The following PHLPP2 variants were observed in gnomAD, a reference collection of about 807,000 sequenced individuals.
The protein encoded by PHLPP2 is PH domain and leucine rich repeat protein phosphatase 2.
A neutral mutation model predicts 124.9 loss-of-function variants in PHLPP2; 66 were observed. The observed-to-expected ratio is 0.53, with a 90% CI of 0.43 to 0.65. The LOEUF (loss-of-function observed/expected upper bound fraction) is 0.65. Ranked by LOEUF, PHLPP2 falls within the 30% of genes least tolerant of loss-of-function variation. The pLI is 0.00. For missense variants in PHLPP2, 1,685 were observed against 1,600.4 expected, an observed-to-expected ratio of 1.05 and a Z score of -0.90; for synonymous variants, 681 against 624.7, an observed-to-expected ratio of 1.09 and a Z score of -1.34.
chr16:71,684,488 C>T lies in PHLPP2; in HGVS notation c.723G>A (p.Arg241=). 1 of 1,613,876 alleles carries T rather than the reference C, an allele frequency of 6.2e-7. No individual in the cohort carries two copies. Among genetic ancestry groups the T allele is most frequent in the Non-Finnish European group, 8.5e-7 (1 of 1,179,928 alleles). Residue 241 remains arginine (R), a synonymous_variant, in exon 5 of 19, where the codon CGG becomes CGA. Transcript: ENST00000568954. ...ETLAEYQRWQ[R]QASKVVSQRI... ...CATTACTTTTCACCTTGGATGCTTG[C>T]CGTTGCCATCGCTGGTACTCGGCCA... is the stretch of plus-strand genomic sequence containing the variant.
chr16:71,670,392 G>GA (rs1321582290), intron 10 of PHLPP2, among the ~76,000 whole-genome samples: 1 of 151,796 alleles, frequency 6.6e-6, no homozygotes, highest in Non-Finnish European at 1.5e-5. Flanking sequence ...AAAGTGGCAT[G>GA]AAAAAAAATC....
In PHLPP2 at chr16:71,722,838, G is replaced by A. The variant is rs796857217; in HGVS notation, c.-7+1491C>T. ...TTCTCTGCAACTCTTTCAAATGCTA[G>A]TAAAAAACTCCACCCAGTCAGCCTC... On this transcript the variant is annotated intron_variant, in intron 1 of 18. Transcript: ENST00000568954. Among the ~76,000 whole-genome samples, 7 of 152,228 alleles carry A rather than the reference G, an allele frequency of 4.6e-5. 1 individual carries two copies. Among genetic ancestry groups the A allele is most frequent in the African/African-American group, 1.7e-4 (7 of 41,534 alleles).
At chr16:71,720,768 G>A (rs1037722513) in intron 1 of PHLPP2, among the ~76,000 whole-genome samples, 2 of 151,838 alleles carry the variant, frequency 1.3e-5, no homozygotes, top group African/African-American at 2.4e-5. Context: ...AGAGGCTGAG[G>A]CAGGAGAATC....
intron 18 of PHLPP2, among the ~76,000 whole-genome samples, chr16:71,652,221 C>A (rs1170738076): frequency 6.6e-6 from 1 of 152,214 alleles, no homozygotes; most frequent in African/African-American, 2.4e-5. Context: ...CTCAAAAGAT[C>A]TGAACGGAAT....
intron 3 of PHLPP2, among the ~76,000 whole-genome samples, chr16:71,692,606 T>C (rs1331803499): frequency 6.6e-6 from 1 of 152,190 alleles, no homozygotes; most frequent in East Asian, 1.9e-4. Context: ...CTTTCATCTA[T>C]ACAGTCGTTC....
At chr16:71,706,279 T>C (rs1048151524) in intron 2 of PHLPP2, among the ~76,000 whole-genome samples, 1 of 147,322 alleles carries the variant, frequency 6.8e-6, no homozygotes, top group Non-Finnish European at 1.5e-5. Flanking sequence ...CCAACGGACA[T>C]AGCAATGCTG....
At chr16:71,697,803 C>T (rs543179283) in intron 3 of PHLPP2, among the ~76,000 whole-genome samples, 2 of 146,472 alleles carry the variant, frequency 1.4e-5, no homozygotes, top group African/African-American at 2.5e-5. Context: ...TTTGCTCTTT[C>T]TCTCTCTCTC....
intron 4 of PHLPP2, among the ~76,000 whole-genome samples, chr16:71,686,042 G>A (rs750188474): frequency 2.6e-5 from 4 of 152,180 alleles, no homozygotes; most frequent in Non-Finnish European, 2.9e-5. Context: ...GGAGGTGGAG[G>A]CTGCAGTGAG....
rs1386209090 is a variant in PHLPP2, at chr16:71,649,140, G to T, written c.3722C>A (p.Ser1241Tyr). ...STSCLYGKKL[S>Y]NGSIVPLEDS... ...CTCTAGGGGCACAATAGAGCCATTG[G>T]AGAGTTTCTTCCCATAGAGGCAGGA... The change falls in exon 19 of 19, where the codon TCC (serine) becomes TAC (tyrosine). Residue 1241 changes from serine to tyrosine, a missense_variant. Physicochemically the swap from Ser to Tyr is moderately radical, Grantham distance 144. Coordinates refer to ENST00000568954, the MANE Select transcript of PHLPP2 (RefSeq NM_015020.3). 21 of 1,614,034 alleles carry T rather than the reference G, an allele frequency of 1.3e-5. No individual in the cohort carries two copies. Among genetic ancestry groups the T allele is most frequent in the Non-Finnish European group, 1.7e-5 (20 of 1,180,002 alleles).
chr16:71,701,984 G>A (rs532157780), intron 3 of PHLPP2, among the ~76,000 whole-genome samples: 2 of 152,224 alleles, frequency 1.3e-5, no homozygotes, highest in African/African-American at 2.4e-5. Flanking sequence ...ATCTTGGAAC[G>A]CAATCCCAGT....
At chr16:71,662,029 G>A (rs2044796219) in intron 13 of PHLPP2, among the ~76,000 whole-genome samples, 1 of 151,592 alleles carries the variant, frequency 6.6e-6, no homozygotes, top group Non-Finnish European at 1.5e-5. Flanking sequence ...TCACCATGTT[G>A]GCCAGAATGG....
intron 2 of PHLPP2, among the ~76,000 whole-genome samples, chr16:71,704,180 G>A (rs1477383279): frequency 2.0e-5 from 3 of 151,770 alleles, no homozygotes; most frequent in African/African-American, 4.8e-5. Flanking sequence ...GCATGGTGGC[G>A]GGCACCTGCA....
rs527732988 is a variant in PHLPP2 at position 71,651,694 on chromosome 16, G to C, written c.2817+1096C>G. ...GGTTTTTGATTTTGTTTCCTTAGAT[G>C]AACTCTAATATAGAATTCTGACAAA... On this transcript the variant is annotated intron_variant, in intron 18 of 18. Coordinates refer to ENST00000568954, the MANE Select transcript of PHLPP2 (RefSeq NM_015020.3). Among the ~76,000 whole-genome samples, 10 of 152,154 alleles carry C rather than the reference G, an allele frequency of 6.6e-5. No homozygotes were observed. The East Asian group carries it at 1.7e-3, about 26-fold the overall frequency.
chr16:71,656,186 G>A (rs2044740755), intron 16 of PHLPP2, among the ~76,000 whole-genome samples: 1 of 152,108 alleles, frequency 6.6e-6, no homozygotes, highest in Non-Finnish European at 1.5e-5. Flanking sequence ...ACTTTGGTTT[G>A]GTCACTTTGG....
rs759522302 is a variant in PHLPP2 at position 71,652,892 on chromosome 16, C to T, written c.2715G>A (p.Leu905=). Residue 905 remains leucine, a synonymous_variant, in exon 18 of 19, where the codon CTG becomes CTA. Transcript: ENST00000568954. The part of the protein sequence containing the change: ...VANVGTCQAV[L]CRGGKPVPLS... The stretch of plus-strand genomic sequence containing the variant: ...GGGGCACTGGCTTCCCACCTCGGCA[C>T]AGGACTGCTTGGCACGTGCCAACAT... The T allele has an allele frequency of 1.9e-6, 3 of 1,614,026 alleles. No individual in the cohort carries two copies. The highest frequency in any genetic ancestry group is 2.5e-6 in the Non-Finnish European group (3 of 1,180,034).
intron 11 of PHLPP2, among the ~76,000 whole-genome samples, chr16:71,668,917 G>C (rs1049977356): frequency 1.3e-5 from 2 of 152,128 alleles, no homozygotes; most frequent in African/African-American, 4.8e-5. Context: ...GTTTTTAAAG[G>C]ATTAGGTAAG....
chr16:71,679,060 C>A, intron 7 of PHLPP2, 75 bp from the exon 8 acceptor site: 1 of 809,324 alleles, frequency 1.2e-6, no homozygotes, highest in South Asian at 1.6e-5. Flanking sequence ...GTTAGGGATT[C>A]TGATTTATGT....
chr16:71,686,017 A>G (rs908575841), intron 4 of PHLPP2, among the ~76,000 whole-genome samples: 3 of 152,158 alleles, frequency 2.0e-5, no homozygotes, highest in Non-Finnish European at 4.4e-5. Context: ...GAGGCAGGAG[A>G]ACTGCTTGAA....
At chr16:71,723,336 C>G (rs1201147832) in intron 1 of PHLPP2, 1 of 152,308 alleles carries the variant, frequency 6.6e-6, no homozygotes, top group Non-Finnish European at 1.5e-5. Flanking sequence ...CTTCAGGTGT[C>G]CGGGAGGGGA....
Sources: gnomAD v4.1 joint callset for allele counts (sites outside exome capture counted in the v4.1 genomes callset) on GRCh38, gnomAD v4.1.1 for gene constraint, MANE v1.5 for transcripts, NCBI Gene and HGNC (gene_info 2026-07-23, HGNC 2026-07-21) for gene names.